The following EPHA6 variants were observed in gnomAD, a reference collection of about 807,000 sequenced individuals.
EPHA6 encodes the protein EPH receptor A6.
A neutral mutation model predicts 112.0 loss-of-function variants in EPHA6; 50 were observed. That is an observed-to-expected ratio of 0.45 (90% CI 0.36 to 0.56). The LOEUF (loss-of-function observed/expected upper bound fraction) is 0.56. Among genes scored for constraint, EPHA6 ranks in the 20% least tolerant of loss-of-function variants. The probability of loss-of-function intolerance (pLI) is 0.00; values close to 1 mark genes in which losing one functional copy is unlikely to be tolerated. For missense variants in EPHA6, 1,280 were observed against 1,417.4 expected (o/e 0.90, Z 1.56); for synonymous variants, 529 against 490.7 (o/e 1.08, Z -1.03).
At chr3:97,441,520 T>C (rs2090138118) in intron 6 of EPHA6, 2 of 737,754 alleles carry the variant, frequency 2.7e-6, no homozygotes, top group Non-Finnish European at 3.3e-6. Context: ...TAGAATCTGT[T>C]TGATTAAAGA....
chr3:97,083,119 A>T (rs2046776340), intron 3 of EPHA6, among the ~76,000 whole-genome samples: 1 of 151,952 alleles, frequency 6.6e-6, no homozygotes, highest in African/African-American at 2.4e-5. Context: ...AGTTGTGCTT[A>T]ATCTCCTTCA....
intron 6 of EPHA6, among the ~76,000 whole-genome samples, chr3:97,420,204 T>A (rs2088501618): frequency 6.6e-6 from 1 of 152,026 alleles, no homozygotes; most frequent in East Asian, 1.9e-4. Flanking sequence ...CTCTCATATA[T>A]CATACTTCAA....
chr3:97,245,716 T>C (rs76027720), intron 5 of EPHA6, among the ~76,000 whole-genome samples: 2,317 of 151,818 alleles, frequency 0.015, 36 homozygotes, highest in South Asian at 0.022. Flanking sequence ...GGCTTAGAGA[T>C]TTGGAGGAGG....
intron 4 of EPHA6, 93 bp downstream of exon 4, chr3:97,226,512 T>A: frequency 8.3e-7 from 1 of 1,207,284 alleles, no homozygotes; most frequent in Non-Finnish European, 1.2e-6. Flanking sequence ...GTACAAAATC[T>A]TGCATTATCA....
chr3:97,378,147 G>A (rs1042399632), intron 5 of EPHA6, among the ~76,000 whole-genome samples: 1 of 152,224 alleles, frequency 6.6e-6, no homozygotes, highest in Admixed American at 6.5e-5. Context: ...GTGCTGTCTA[G>A]GGACTTGTTG....
intron 3 of EPHA6, among the ~76,000 whole-genome samples, chr3:97,015,852 A>T (rs778223151): frequency 1.2e-4 from 18 of 152,294 alleles, no homozygotes; most frequent in Non-Finnish European, 2.1e-4. Flanking sequence ...TAGAAACAAA[A>T]ACTTCACTAA....
At chr3:96,840,221 A>AT (rs149187878) in intron 1 of EPHA6, among the ~76,000 whole-genome samples, 10,439 of 151,906 alleles carry the variant, frequency 0.069, 707 homozygotes, top group Admixed American at 0.21. Context: ...AATAATAGTG[A>AT]TTTTCTCAGT....
intron 6 of EPHA6, among the ~76,000 whole-genome samples, chr3:97,417,015 T>G (rs1171008348): frequency 2.6e-5 from 4 of 152,162 alleles, no homozygotes; most frequent in Non-Finnish European, 5.9e-5. Context: ...TTCATAAGTT[T>G]TATTTCTCAA....
At chr3:97,091,310 A>G (rs184310488) in intron 3 of EPHA6, among the ~76,000 whole-genome samples, 2 of 152,276 alleles carry the variant, frequency 1.3e-5, no homozygotes, top group African/African-American at 4.8e-5. Flanking sequence ...AACTGGAAAC[A>G]ATATTAAGAC....
At chr3:97,366,799 T>TA (rs2084757926) in intron 5 of EPHA6, among the ~76,000 whole-genome samples, 1 of 152,228 alleles carries the variant, frequency 6.6e-6, no homozygotes. Flanking sequence ...GAAACTTTGG[T>TA]AAGTGCTACC....
intron 3 of EPHA6, among the ~76,000 whole-genome samples, chr3:97,032,498 C>A (rs769440204): frequency 6.6e-6 from 1 of 151,776 alleles, no homozygotes; most frequent in African/African-American, 2.4e-5. Context: ...ATTTTGCTTG[C>A]GAGCTAGATC....
chr3:97,737,286 G>C (rs1402996378), intron 16 of EPHA6, among the ~76,000 whole-genome samples: 1 of 151,998 alleles, frequency 6.6e-6, no homozygotes, highest in Non-Finnish European at 1.5e-5. Context: ...GATCACTCTA[G>C]GGATGATTTA....
intron 3 of EPHA6, among the ~76,000 whole-genome samples, chr3:97,098,123 T>C (rs2047298116): frequency 6.6e-6 from 1 of 151,900 alleles, no homozygotes; most frequent in Non-Finnish European, 1.5e-5. Context: ...AATGACTTTT[T>C]GGGTGGTATC....
intron 1 of EPHA6, among the ~76,000 whole-genome samples, chr3:96,833,088 C>T (rs969879326): frequency 6.6e-6 from 1 of 151,120 alleles, no homozygotes; most frequent in Non-Finnish European, 1.5e-5. Context: ...TATGTTGAAG[C>T]CTTAACTCCT....
chr3:97,743,258 T>C (rs2035583006), intron 16 of EPHA6, among the ~76,000 whole-genome samples: 1 of 152,052 alleles, frequency 6.6e-6, no homozygotes. Flanking sequence ...AACTGTTCTG[T>C]AGATAATTTA....
intron 3 of EPHA6, among the ~76,000 whole-genome samples, chr3:97,128,839 C>T (rs1298837599): frequency 2.1e-5 from 3 of 145,342 alleles, no homozygotes; most frequent in African/African-American, 7.8e-5. Flanking sequence ...TATTTTTACA[C>T]TTTTCTTTCT....
intron 5 of EPHA6, among the ~76,000 whole-genome samples, chr3:97,315,818 A>T (rs1327456193): frequency 1.3e-5 from 2 of 151,930 alleles, no homozygotes; most frequent in Admixed American, 1.3e-4. Context: ...CACACTGGAA[A>T]GTGCAAGAGC....
At chr3:97,512,044 C>CT (rs939413679) in intron 10 of EPHA6, among the ~76,000 whole-genome samples, 1 of 151,992 alleles carries the variant, frequency 6.6e-6, no homozygotes, top group Non-Finnish European at 1.5e-5. Context: ...GAAGCATAAA[C>CT]TTTTTTTAAG....
At chr3:97,366,034 T>C (rs2084706997) in intron 5 of EPHA6, among the ~76,000 whole-genome samples, 1 of 152,188 alleles carries the variant, frequency 6.6e-6, no homozygotes, top group Non-Finnish European at 1.5e-5. Flanking sequence ...CTCACAACAG[T>C]TAGGGAAATA....
Sources: gnomAD v4.1 joint callset for allele counts (sites outside exome capture counted in the v4.1 genomes callset) on GRCh38, gnomAD v4.1.1 for gene constraint, MANE v1.5 for transcripts, NCBI Gene and HGNC (gene_info 2026-07-23, HGNC 2026-07-21) for gene names.